The following SDHC variants were observed in gnomAD, a reference collection of about 807,000 sequenced individuals.
The protein encoded by SDHC is succinate dehydrogenase cytochrome b560 subunit, mitochondrial.
SDHC carries 11 observed loss-of-function variants against 22.6 expected under a neutral mutation model. The ratio of observed to expected loss-of-function variants is 0.49; its 90% CI spans 0.31 to 0.81. The LOEUF is 0.81. SDHC is among the 30% of genes least tolerant of loss of function. SDHC has a pLI of 0.05. For synonymous variants in SDHC, 80 were observed against 77.8 expected (o/e 1.03, Z -0.15); for missense variants, 160 against 212.0 (o/e 0.75, Z 1.52).
intron 3 of SDHC, among the ~76,000 whole-genome samples, chr1:161,336,154 T>C (rs922811740): frequency 6.6e-6 from 1 of 152,160 alleles, no homozygotes; most frequent in African/African-American, 2.4e-5. Flanking sequence ...AACTTTCTTT[T>C]TTAAGAGATA....
At chr1:161,349,010 C>G (rs996217865) in intron 4 of SDHC, among the ~76,000 whole-genome samples, 2 of 151,836 alleles carry the variant, frequency 1.3e-5, no homozygotes, top group African/African-American at 4.8e-5. Context: ...ATAAAACATA[C>G]AACATAAAGC....
chr1:161,326,008 A>G (rs999929835), intron 2 of SDHC, among the ~76,000 whole-genome samples: 1 of 151,986 alleles, frequency 6.6e-6, no homozygotes, highest in African/African-American at 2.4e-5. Context: ...GACCATCCTG[A>G]CCAACCAACG....
chr1:161,320,921 G>T (rs1670814288), intron 1 of SDHC, among the ~76,000 whole-genome samples: 1 of 149,328 alleles, frequency 6.7e-6, no homozygotes, highest in South Asian at 2.1e-4. Flanking sequence ...CTGCCTCGCG[G>T]GTTCAAGCGA....
intron 4 of SDHC, among the ~76,000 whole-genome samples, chr1:161,355,246 G>C (rs959265835): frequency 1.3e-5 from 2 of 152,140 alleles, no homozygotes; most frequent in Non-Finnish European, 2.9e-5. Context: ...TTAAGCACCT[G>C]TTCATGCACT....
At chr1:161,359,684 G>A (rs4319356) in intron 5 of SDHC, among the ~76,000 whole-genome samples, 17,834 of 152,194 alleles carry the variant, frequency 0.12, 1,422 homozygotes, top group African/African-American at 0.22. Flanking sequence ...AAGAACCTAA[G>A]GGTCCTTAAG....
intron 3 of SDHC, among the ~76,000 whole-genome samples, chr1:161,329,909 C>T (rs1423883651): frequency 6.6e-6 from 1 of 152,190 alleles, no homozygotes; most frequent in African/African-American, 2.4e-5. Context: ...ACTCTGACTT[C>T]TTCTACCTCC....
In SDHC at chr1:161,340,578, G is replaced by A; in HGVS notation, c.180-16G>A. On this transcript the variant is annotated splice_polypyrimidine_tract_variant and intron_variant, in intron 3 of 5. Transcript: ENST00000367975. The stretch of plus-strand genomic sequence containing the variant: ...TCTTTTCCTTTTTAAAATTGTCTTT[G>A]TGTGTTTCTTTACAGTTGGTCTCTT... 6.2e-7 allele frequency: 1 copy of A among 1,611,406 alleles called. No individual in the cohort carries two copies. The highest frequency in any genetic ancestry group is 1.3e-5 in the African/African-American group (1 of 74,912).
At chr1:161,315,148 C>G (rs115377322) in intron 1 of SDHC, among the ~76,000 whole-genome samples, 1,921 of 152,302 alleles carry the variant, frequency 0.013, 43 homozygotes, top group African/African-American at 0.041. Flanking sequence ...CCTCTCTAGT[C>G]ACAGCGACTA....
chr1:161,346,311 T>C (rs1373515700), intron 4 of SDHC, among the ~76,000 whole-genome samples: 1 of 152,158 alleles, frequency 6.6e-6, no homozygotes, highest in Non-Finnish European at 1.5e-5. Flanking sequence ...CTGTTACACA[T>C]TAGAAATTAG....
rs140721315 is a variant in SDHC, at chr1:161,344,829, T to C, written c.241+4174T>C. ...TTTATGGAAACAAGGATGAAAAACA[T>C]GATACCTTTAATAACAACTGTCTCT... On this transcript the variant is annotated intron_variant, in intron 4 of 5. Transcript: ENST00000367975. Among the ~76,000 whole-genome samples, 22 of 152,312 alleles carry C rather than the reference T, an allele frequency of 1.4e-4. No individual in the cohort carries two copies. The East Asian group carries it at 4.2e-3, about 29-fold the overall frequency.
At chr1:161,349,891 T>A (rs1268642190) in intron 4 of SDHC, among the ~76,000 whole-genome samples, 1 of 152,176 alleles carries the variant, frequency 6.6e-6, no homozygotes, top group Non-Finnish European at 1.5e-5. Context: ...ATTTGGATAA[T>A]ACCTTTTTTT....
At chr1:161,328,842 AT>A (rs1489827886) in intron 3 of SDHC, among the ~76,000 whole-genome samples, 1 of 152,206 alleles carries the variant, frequency 6.6e-6, no homozygotes, top group Non-Finnish European at 1.5e-5. Context: ...CAGAGTTCCC[AT>A]ATACCTTTAT....
intron 2 of SDHC, among the ~76,000 whole-genome samples, chr1:161,325,341 CAATAAATAAATAAATA>C (rs56075649): frequency 6.7e-6 from 1 of 150,078 alleles, no homozygotes; most frequent in South Asian, 2.1e-4. Context: ...TACCCTGTCT[CAATAAATAAATAAATA>C]AATAAATAAA....
At chr1:161,349,201 G>T (rs1237877750) in intron 4 of SDHC, among the ~76,000 whole-genome samples, 1 of 152,140 alleles carries the variant, frequency 6.6e-6, no homozygotes, top group Non-Finnish European at 1.5e-5. Flanking sequence ...TGTGGCTCAC[G>T]CTTGTAAACC....
intron 2 of SDHC, among the ~76,000 whole-genome samples, chr1:161,324,016 C>A (rs1230477285): frequency 1.3e-5 from 2 of 151,886 alleles, no homozygotes; most frequent in African/African-American, 4.8e-5. Flanking sequence ...TTTTTTTTTC[C>A]TTAGGGAAGA....
At chr1:161,341,531 A>G (rs765354409) in intron 4 of SDHC, among the ~76,000 whole-genome samples, 1 of 152,232 alleles carries the variant, frequency 6.6e-6, no homozygotes, top group Non-Finnish European at 1.5e-5. Context: ...GATCTGATGT[A>G]TCTTTTCACA....
chr1:161,348,614 A>G (rs1419386451), intron 4 of SDHC, among the ~76,000 whole-genome samples: 1 of 143,962 alleles, frequency 6.9e-6, no homozygotes, highest in Admixed American at 7.1e-5. Context: ...TGAGATCAGG[A>G]GTTTGAGACC....
chr1:161,339,509 T>G, intron 3 of SDHC: 1 of 1,013,734 alleles, frequency 9.9e-7, no homozygotes, highest in Non-Finnish European at 1.3e-6. Context: ...CTTTGACCCA[T>G]GTTTCTCCTT....
intron 3 of SDHC, among the ~76,000 whole-genome samples, chr1:161,338,282 A>C (rs1671570664): frequency 6.6e-6 from 1 of 151,880 alleles, no homozygotes; most frequent in African/African-American, 2.4e-5. Context: ...AATATTTTTA[A>C]TTTATTTGGG....
Sources: gnomAD v4.1 joint callset for allele counts (sites outside exome capture counted in the v4.1 genomes callset) on GRCh38, gnomAD v4.1.1 for gene constraint, MANE v1.5 for transcripts, NCBI Gene and HGNC (gene_info 2026-07-23, HGNC 2026-07-21) for gene names.